The following PRELID2 variants were observed in gnomAD, a reference collection of about 807,000 sequenced individuals.
PRELID2 encodes PRELI domain-containing protein 2.
PRELID2 carries 25 observed loss-of-function variants against 28.4 expected under a neutral mutation model. The observed-to-expected ratio is 0.88, with a 90% CI of 0.64 to 1.23. The LOEUF (loss-of-function observed/expected upper bound fraction) is 1.23, where lower values mean the gene tolerates loss of function less well. PRELID2 is among the 50% of genes most tolerant of loss of function. The pLI is 0.00. For synonymous variants in PRELID2, 76 were observed against 71.6 expected (o/e 1.06, Z -0.31); for missense variants, 201 against 214.4 (o/e 0.94, Z 0.39).
the PRELID2 span, among the ~76,000 whole-genome samples, chr5:145,363,253 A>G: frequency 6.6e-6 from 1 of 152,096 alleles, no homozygotes; most frequent in Admixed American, 6.6e-5. Context: ...TAAGATGTGT[A>G]CATATCAAAA....
At chr5:145,603,900 C>T (rs1399807343) in intron 1 of PRELID2, among the ~76,000 whole-genome samples, 1 of 151,032 alleles carries the variant, frequency 6.6e-6, no homozygotes, top group Non-Finnish European at 1.5e-5. Context: ...TTCAGTGTAC[C>T]CAATAAATAT....
At chr5:145,740,320 A>AT (rs1561566205) in intron 1 of PRELID2, among the ~76,000 whole-genome samples, 11 of 95,178 alleles carry the variant, frequency 1.2e-4, no homozygotes, top group East Asian at 6.5e-4. Context: ...ATATATATAT[A>AT]AATCCTAAAT....
At chr5:145,282,515 C>CTT in the PRELID2 span, among the ~76,000 whole-genome samples, 49 of 141,680 alleles carry the variant, frequency 3.5e-4, no homozygotes, top group African/African-American at 2.8e-4. Flanking sequence ...GACAGCTCTT[C>CTT]TTTTTTTTTT....
the PRELID2 span, among the ~76,000 whole-genome samples, chr5:145,297,336 C>A: frequency 5.3e-5 from 8 of 151,942 alleles, no homozygotes; most frequent in Non-Finnish European, 8.8e-5. Flanking sequence ...GAAATGTAAT[C>A]CAGCATATAA....
intron 1 of PRELID2, among the ~76,000 whole-genome samples, chr5:145,702,665 AG>A (rs1755437907): frequency 6.6e-6 from 1 of 152,206 alleles, no homozygotes; most frequent in Non-Finnish European, 1.5e-5. Context: ...CCCCATGCCC[AG>A]CAGACTTCCA....
chr5:145,331,201 G>A, the PRELID2 span, among the ~76,000 whole-genome samples: 10 of 151,906 alleles, frequency 6.6e-5, no homozygotes. Flanking sequence ...CAATTATATG[G>A]TCAATTTTAC....
intron 1 of PRELID2, among the ~76,000 whole-genome samples, chr5:145,743,879 G>A (rs542625739): frequency 2.6e-4 from 40 of 152,244 alleles, no homozygotes; most frequent in Admixed American, 5.9e-4. Context: ...CCTTGGGGGA[G>A]GAGCAGTGGC....
intron 1 of PRELID2, among the ~76,000 whole-genome samples, chr5:145,700,296 C>A (rs896414702): frequency 9.2e-5 from 14 of 152,018 alleles, no homozygotes; most frequent in Admixed American, 2.6e-4. Context: ...AACTACATGA[C>A]CTCGGGCAAC....
At chr5:145,812,461 T>C (rs1047443332) in intron 4 of PRELID2, among the ~76,000 whole-genome samples, 1 of 152,234 alleles carries the variant, frequency 6.6e-6, no homozygotes, top group African/African-American at 2.4e-5. Context: ...TCTTACTTCA[T>C]ACAAGTCACT....
At chr5:145,623,161 A>C (rs1753794615) in intron 1 of PRELID2, among the ~76,000 whole-genome samples, 1 of 151,896 alleles carries the variant, frequency 6.6e-6, no homozygotes, top group Non-Finnish European at 1.5e-5. Flanking sequence ...ATTTAAACTA[A>C]AGCCACAGGC....
chr5:145,709,028 C>A (rs1223070449), intron 1 of PRELID2, among the ~76,000 whole-genome samples: 1 of 152,194 alleles, frequency 6.6e-6, no homozygotes. Context: ...GAAAGCTGCT[C>A]CAGCCCTGAT....
chr5:145,476,677 G>T (rs529219941), intron 1 of PRELID2, among the ~76,000 whole-genome samples: 228 of 152,070 alleles, frequency 1.5e-3, no homozygotes, highest in Middle Eastern at 3.4e-3. Flanking sequence ...TTTATTAATT[G>T]TTCCTTCTCA....
At chr5:145,276,926 G>C in the PRELID2 span, among the ~76,000 whole-genome samples, 1 of 152,116 alleles carries the variant, frequency 6.6e-6, no homozygotes, top group African/African-American at 2.4e-5. Context: ...GAGGTTGATG[G>C]ATGTTAAATA....
chr5:145,284,302 C>A, the PRELID2 span, among the ~76,000 whole-genome samples: 1 of 151,916 alleles, frequency 6.6e-6, no homozygotes, highest in Non-Finnish European at 1.5e-5. Context: ...TTTCTTTTAA[C>A]AATCTATCTA....
chr5:145,771,622 G>T (rs1439780488), intron 5 of PRELID2, among the ~76,000 whole-genome samples: 2 of 151,972 alleles, frequency 1.3e-5, no homozygotes, highest in Non-Finnish European at 2.9e-5. Flanking sequence ...TGGGGAGGCT[G>T]AGGCAGGTGG....
intron 1 of PRELID2, among the ~76,000 whole-genome samples, chr5:145,546,357 T>C (rs1215014583): frequency 6.6e-6 from 1 of 152,098 alleles, no homozygotes; most frequent in Admixed American, 6.6e-5. Flanking sequence ...AAAATTAAAC[T>C]ATAAGTAATT....
chr5:145,558,620 G>A (rs900724478), intron 1 of PRELID2, among the ~76,000 whole-genome samples: 5 of 152,278 alleles, frequency 3.3e-5, no homozygotes, highest in African/African-American at 1.2e-4. Flanking sequence ...CCATTTTCAA[G>A]CCATGCCTTA....
At chr5:145,453,143 C>G in the PRELID2 span, among the ~76,000 whole-genome samples, 1 of 152,126 alleles carries the variant, frequency 6.6e-6, no homozygotes, top group Non-Finnish European at 1.5e-5. Context: ...TTATTTACTT[C>G]CCAAGCATGA....
At chr5:145,696,966 G>A (rs1225229285) in intron 1 of PRELID2, among the ~76,000 whole-genome samples, 1 of 147,510 alleles carries the variant, frequency 6.8e-6, no homozygotes, top group Admixed American at 6.8e-5. Flanking sequence ...ATAAATCAGA[G>A]TAAGCAAATG....
Sources: gnomAD v4.1 joint callset for allele counts (sites outside exome capture counted in the v4.1 genomes callset) on GRCh38, gnomAD v4.1.1 for gene constraint, MANE v1.5 for transcripts, NCBI Gene and HGNC (gene_info 2026-07-23, HGNC 2026-07-21) for gene names.